Variants in SLC35F1 observed in about 807,000 individuals in gnomAD.
The protein encoded by SLC35F1 is chromosome 6 open reading frame 169.
SLC35F1 carries 14 observed loss-of-function variants against 48.7 expected under a neutral mutation model. The observed-to-expected ratio is 0.29, with a 90% confidence interval of 0.19 to 0.45. SLC35F1 has a LOEUF of 0.45. Ranked by LOEUF, SLC35F1 falls within the 20% of genes least tolerant of loss-of-function variation. The pLI is 1.00. For missense variants in SLC35F1, 404 were observed against 500.0 expected (o/e 0.81, Z 1.83); for synonymous variants, 190 against 202.2 (o/e 0.94, Z 0.51).
At chr6:117,948,846 A>G (rs1582580135) in intron 1 of SLC35F1, among the ~76,000 whole-genome samples, 4 of 152,236 alleles carry the variant, frequency 2.6e-5, no homozygotes. Flanking sequence ...GATAATACTC[A>G]AGCTTAATCT....
At chr6:117,929,068 G>T (rs1776065957) in intron 1 of SLC35F1, among the ~76,000 whole-genome samples, 1 of 151,942 alleles carries the variant, frequency 6.6e-6, no homozygotes, top group Non-Finnish European at 1.5e-5. Context: ...ACAATGAGAT[G>T]CAAGAACCCT....
chr6:118,073,219 A>G (rs562166546), intron 1 of SLC35F1, among the ~76,000 whole-genome samples: 1 of 152,190 alleles, frequency 6.6e-6, no homozygotes, highest in African/African-American at 2.4e-5. Context: ...TTTATCCTCT[A>G]TAGAAAAAAA....
chr6:118,099,633 G>A (rs549014033), intron 1 of SLC35F1, among the ~76,000 whole-genome samples: 1 of 152,170 alleles, frequency 6.6e-6, no homozygotes, highest in South Asian at 2.1e-4. Context: ...AGCAACAAGG[G>A]GGCTGAAGGG....
chr6:118,192,844 G>C (rs111292538), intron 2 of SLC35F1, among the ~76,000 whole-genome samples: 2,774 of 152,106 alleles, frequency 0.018, 31 homozygotes, highest in Middle Eastern at 0.059. Flanking sequence ...CAAAGTTAGA[G>C]GTCAGAAAAG....
At chr6:118,074,151 C>G (rs117393961) in intron 1 of SLC35F1, among the ~76,000 whole-genome samples, 1 of 152,118 alleles carries the variant, frequency 6.6e-6, no homozygotes, top group Non-Finnish European at 1.5e-5. Flanking sequence ...TCCAGTTCAC[C>G]TCTGTTGTAG....
intron 3 of SLC35F1, among the ~76,000 whole-genome samples, chr6:118,248,360 C>T (rs1411369972): frequency 6.6e-6 from 1 of 152,002 alleles, no homozygotes; most frequent in Non-Finnish European, 1.5e-5. Flanking sequence ...CTTTACATAG[C>T]AAAAAAGACT....
In SLC35F1 at chr6:118,263,258, G is replaced by T. The variant is rs367687741; in HGVS notation, c.478-3737G>T. 4.7e-4 allele frequency among the ~76,000 whole-genome samples: 71 copies of T among 152,148 alleles called. 3 individuals are homozygous for T. The East Asian group carries it at 7.0e-3, about 15-fold the overall frequency. ...TTTAGTAGAGACAGGGTTTCTCCAT[G>T]TTGGCCAGGCTGGTCTCGAACTCCT... On this transcript the variant is annotated intron_variant, in intron 3 of 7. Coordinates refer to ENST00000360388, the MANE Select transcript of SLC35F1 (RefSeq NM_001029858.4).
chr6:117,970,027 T>TA (rs1429101090), intron 1 of SLC35F1, among the ~76,000 whole-genome samples: 1 of 152,236 alleles, frequency 6.6e-6, no homozygotes, highest in East Asian at 1.9e-4. Context: ...ATTTAACTTG[T>TA]AAGGACAAAG....
intron 3 of SLC35F1, among the ~76,000 whole-genome samples, chr6:118,262,080 A>G (rs983732985): frequency 6.6e-6 from 1 of 152,202 alleles, no homozygotes; most frequent in Non-Finnish European, 1.5e-5. Flanking sequence ...GGCAGATCTC[A>G]CAGACACTCA....
At chr6:117,964,028 T>C (rs960236614) in intron 1 of SLC35F1, among the ~76,000 whole-genome samples, 1 of 152,218 alleles carries the variant, frequency 6.6e-6, no homozygotes, top group Non-Finnish European at 1.5e-5. Flanking sequence ...CCTGCATCCA[T>C]GTGTTCTCAT....
rs951745504 is a variant in SLC35F1, at chr6:118,023,769, T to G, written c.173+115870T>G. 2.6e-5 allele frequency among the ~76,000 whole-genome samples: 4 copies of G among 152,260 alleles called. No homozygotes were observed. The South Asian group carries it at 8.3e-4, about 31-fold the overall frequency. ...ATTCCTAAAATCTTCTGTTTTCTTA[T>G]AAACCTGGAGCCTTCAGCTCCATTG... On this transcript the variant is annotated intron_variant, in intron 1 of 7. Coordinates refer to ENST00000360388, the MANE Select transcript of SLC35F1 (RefSeq NM_001029858.4).
chr6:118,133,961 C>T (rs1396490732), intron 1 of SLC35F1, among the ~76,000 whole-genome samples: 1 of 152,200 alleles, frequency 6.6e-6, no homozygotes, highest in Non-Finnish European at 1.5e-5. Context: ...CCTGTTTCTT[C>T]CTCATGCTTG....
intron 1 of SLC35F1, among the ~76,000 whole-genome samples, chr6:118,086,232 A>G (rs1302215478): frequency 6.6e-6 from 1 of 152,210 alleles, no homozygotes; most frequent in Non-Finnish European, 1.5e-5. Flanking sequence ...TTGCTGTCGA[A>G]CTGTCCATTT....
intron 1 of SLC35F1, among the ~76,000 whole-genome samples, chr6:118,133,580 T>C (rs1407647044): frequency 6.6e-6 from 1 of 152,180 alleles, no homozygotes; most frequent in Non-Finnish European, 1.5e-5. Context: ...GAGAAGAACA[T>C]TTTCTCATGA....
chr6:117,993,461 CAATT>C (rs1312859671), intron 1 of SLC35F1, among the ~76,000 whole-genome samples: 1 of 151,992 alleles, frequency 6.6e-6, no homozygotes, highest in East Asian at 1.9e-4. Flanking sequence ...TTCATTTAAA[CAATT>C]AATAGATTTT....
intron 1 of SLC35F1, among the ~76,000 whole-genome samples, chr6:117,960,999 A>G (rs752778592): frequency 4.6e-5 from 7 of 152,160 alleles, no homozygotes; most frequent in Non-Finnish European, 8.8e-5. Flanking sequence ...GTACTACTTA[A>G]CATAGTATTA....
At chr6:118,143,950 T>G (rs142222182) in intron 1 of SLC35F1, among the ~76,000 whole-genome samples, 1 of 152,160 alleles carries the variant, frequency 6.6e-6, no homozygotes, top group Non-Finnish European at 1.5e-5. Flanking sequence ...GGTTTTCTGA[T>G]GGAAGATGGC....
At chr6:118,135,097 T>G (rs1773774437) in intron 1 of SLC35F1, among the ~76,000 whole-genome samples, 1 of 152,198 alleles carries the variant, frequency 6.6e-6, no homozygotes, top group Non-Finnish European at 1.5e-5. Context: ...TGTTATGATC[T>G]ATACTTCTGA....
At chr6:118,068,193 A>G (rs1371196109) in intron 1 of SLC35F1, among the ~76,000 whole-genome samples, 1 of 151,932 alleles carries the variant, frequency 6.6e-6, no homozygotes, top group Non-Finnish European at 1.5e-5. Context: ...GATCTTCCCC[A>G]CTCAGTCCCC....
Sources: allele counts gnomAD v4.1 joint callset (sites outside exome capture counted in the v4.1 genomes callset), GRCh38; gene constraint gnomAD v4.1.1; transcripts MANE v1.5; gene names NCBI Gene and HGNC (gene_info 2026-07-23, HGNC 2026-07-21).